The following SLC35F4 variants were observed in gnomAD, a reference collection of about 807,000 sequenced individuals.
SLC35F4 encodes the protein solute carrier family 35 member F4.
A neutral mutation model predicts 44.2 loss-of-function variants in SLC35F4; 24 were observed. The ratio of observed to expected loss-of-function variants is 0.54; its 90% CI spans 0.39 to 0.76. The LOEUF (loss-of-function observed/expected upper bound fraction) is 0.76. SLC35F4 is among the 30% of genes least tolerant of loss of function. The pLI is 0.00. For missense variants in SLC35F4, 562 were observed against 586.1 expected (o/e 0.96, Z 0.42); for synonymous variants, 238 against 223.6 (o/e 1.06, Z -0.57).
At chr14:57,738,245 C>T (rs1455997568) in intron 1 of SLC35F4, among the ~76,000 whole-genome samples, 1 of 152,182 alleles carries the variant, frequency 6.6e-6, no homozygotes, top group Admixed American at 6.5e-5. Context: ...GGCTCACATA[C>T]ATCTCAGTGT....
chr14:57,896,536 T>C (rs918497148), intron 1 of SLC35F4, among the ~76,000 whole-genome samples: 3 of 152,168 alleles, frequency 2.0e-5, no homozygotes, highest in African/African-American at 7.2e-5. Flanking sequence ...GTATATGTGA[T>C]GTATATGTAT....
At chr14:57,826,019 A>C (rs1883716624) in intron 1 of SLC35F4, among the ~76,000 whole-genome samples, 1 of 152,216 alleles carries the variant, frequency 6.6e-6, no homozygotes. Context: ...ACTATCTTAA[A>C]ATTTATATGG....
At chr14:57,735,838 C>T (rs890303814) in intron 1 of SLC35F4, among the ~76,000 whole-genome samples, 15 of 151,966 alleles carry the variant, frequency 9.9e-5, no homozygotes, top group East Asian at 1.9e-4. Context: ...TTCTCCACCT[C>T]GGCCTCCCAA....
At chr14:57,665,533 A>G (rs1239778933) in intron 1 of SLC35F4, among the ~76,000 whole-genome samples, 1 of 152,204 alleles carries the variant, frequency 6.6e-6, no homozygotes, top group Admixed American at 6.5e-5. Context: ...AGTATTCAAG[A>G]TTGATTTCGC....
intron 1 of SLC35F4, among the ~76,000 whole-genome samples, chr14:57,924,225 A>G (rs1184117123): frequency 6.6e-6 from 1 of 152,146 alleles, no homozygotes; most frequent in Non-Finnish European, 1.5e-5. Flanking sequence ...GAATGAACCA[A>G]TACAGCTGGG....
At position 57,684,842 on chromosome 14, in the gene SLC35F4, G is replaced by C. The variant is rs1327388930; in HGVS notation, c.104-90718C>G. 3.9e-5 allele frequency among the ~76,000 whole-genome samples: 6 copies of C among 152,226 alleles called. No individual in the cohort carries two copies. In the East Asian group the frequency reaches 1.2e-3, roughly 29 times the overall value. ...TTCTGATGAAAACAATGTTCCTTTT[G>C]TCCTCTCTCTCAGGAGTTTCCCCAG... On this transcript the variant is annotated intron_variant, in intron 1 of 7. Transcript: ENST00000556826.
At chr14:57,601,408 A>G (rs2070817750) in intron 1 of SLC35F4, among the ~76,000 whole-genome samples, 1 of 152,054 alleles carries the variant, frequency 6.6e-6, no homozygotes, top group South Asian at 2.1e-4. Flanking sequence ...TTGGGTATGA[A>G]TGATCCCATC....
intron 1 of SLC35F4, among the ~76,000 whole-genome samples, chr14:57,730,209 A>T (rs1020792924): frequency 1.3e-5 from 2 of 152,164 alleles, no homozygotes; most frequent in Non-Finnish European, 2.9e-5. Context: ...TTTTTGTGAA[A>T]GTACTTTTTT....
intron 1 of SLC35F4, among the ~76,000 whole-genome samples, chr14:57,857,643 C>T (rs1190728059): frequency 6.6e-6 from 1 of 152,036 alleles, no homozygotes; most frequent in Non-Finnish European, 1.5e-5. Context: ...TCCCCAAGCT[C>T]TATGGGTGAG....
chr14:57,581,938 T>C (rs1191894250), intron 3 of SLC35F4, among the ~76,000 whole-genome samples: 2 of 152,226 alleles, frequency 1.3e-5, no homozygotes, highest in African/African-American at 2.4e-5. Context: ...ATCTGCCCAA[T>C]TGACTAATTT....
At chr14:57,752,543 G>C (rs976291605) in intron 1 of SLC35F4, among the ~76,000 whole-genome samples, 5 of 149,362 alleles carry the variant, frequency 3.3e-5, no homozygotes, top group African/African-American at 1.2e-4. Flanking sequence ...TCACTGCAAC[G>C]TCCGCCTCCT....
At chr14:57,628,571 G>C (rs2072596104) in intron 1 of SLC35F4, among the ~76,000 whole-genome samples, 1 of 148,596 alleles carries the variant, frequency 6.7e-6, no homozygotes, top group Non-Finnish European at 1.5e-5. Flanking sequence ...TCTTGTGTTA[G>C]TTTGCTGAGA....
chr14:57,830,895 T>C (rs1170324319), intron 1 of SLC35F4, among the ~76,000 whole-genome samples: 1 of 152,174 alleles, frequency 6.6e-6, no homozygotes, highest in Non-Finnish European at 1.5e-5. Context: ...AGTGCCCATT[T>C]CTGCACAGAC....
chr14:57,675,515 C>G (rs1007177104), intron 1 of SLC35F4, among the ~76,000 whole-genome samples: 1 of 151,924 alleles, frequency 6.6e-6, no homozygotes, highest in African/African-American at 2.4e-5. Flanking sequence ...TTCTTTCTCT[C>G]GTCTGATTGC....
At chr14:57,620,541 C>T (rs2140090182) in intron 1 of SLC35F4, among the ~76,000 whole-genome samples, 1 of 152,224 alleles carries the variant, frequency 6.6e-6, no homozygotes, top group South Asian at 2.1e-4. Flanking sequence ...CTGAAGGAAG[C>T]ACTAAACATG....
intron 1 of SLC35F4, among the ~76,000 whole-genome samples, chr14:57,824,372 G>T (rs984512299): frequency 6.6e-6 from 1 of 152,164 alleles, no homozygotes; most frequent in Non-Finnish European, 1.5e-5. Context: ...CTAGTTGGAG[G>T]ACAAGAGATA....
chr14:57,903,430 A>G (rs759098262), intron 1 of SLC35F4, among the ~76,000 whole-genome samples: 4 of 152,206 alleles, frequency 2.6e-5, no homozygotes, highest in Non-Finnish European at 4.4e-5. Context: ...ATAACATTGG[A>G]CAATGTAAAG....
At chr14:57,666,369 C>T (rs1375960023) in intron 1 of SLC35F4, among the ~76,000 whole-genome samples, 1 of 152,116 alleles carries the variant, frequency 6.6e-6, no homozygotes, top group African/African-American at 2.4e-5. Flanking sequence ...AATCAATGAC[C>T]TTTAGGTTTC....
chr14:57,631,684 TAGTC>T lies in SLC35F4; in HGVS notation c.104-37564_104-37561del, dbSNP rs143406239. On this transcript the variant is annotated intron_variant, in intron 1 of 7. Transcript: ENST00000556826. ...TTTAAAGTAATTTTGGAAAAAGGAT[TAGTC>T]AGTTTTAAGCAAGAGTCAGATCTTC... Among the ~76,000 whole-genome samples the T allele has an allele frequency of 6.8e-3, 1,040 of 152,208 alleles. 4 individuals carry two copies. The highest frequency in any genetic ancestry group is 0.011 in the Non-Finnish European group (759 of 67,986).
Sources: allele counts gnomAD v4.1 joint callset (sites outside exome capture counted in the v4.1 genomes callset), GRCh38; gene constraint gnomAD v4.1.1; transcripts MANE v1.5; gene names NCBI Gene and HGNC (gene_info 2026-07-23, HGNC 2026-07-21).